The following ADAMTS12 variants were observed in gnomAD, a reference collection of about 807,000 sequenced individuals.
The protein encoded by ADAMTS12 is A disintegrin and metalloproteinase with thrombospondin motifs 12.
A neutral mutation model predicts 167.8 loss-of-function variants in ADAMTS12; 118 were observed. The ratio of observed to expected loss-of-function variants is 0.70; its 90% CI spans 0.61 to 0.82. The LOEUF is 0.82. Ranked by LOEUF, ADAMTS12 falls within the 40% of genes least tolerant of loss-of-function variation. The probability of loss-of-function intolerance (pLI) is 0.00; values close to 1 mark genes in which losing one functional copy is unlikely to be tolerated. For synonymous variants in ADAMTS12, 704 were observed against 716.9 expected, an observed-to-expected ratio of 0.98 and a Z score of 0.29; for missense variants, 1,916 against 1,998.8, an observed-to-expected ratio of 0.96 and a Z score of 0.79.
intron 3 of ADAMTS12, among the ~76,000 whole-genome samples, chr5:33,735,997 GC>G (rs1379941171): frequency 6.6e-6 from 1 of 151,182 alleles, no homozygotes; most frequent in African/African-American, 2.4e-5. Flanking sequence ...GATTCTTAGA[GC>G]TTTTAAAATG....
At position 33,881,161 on chromosome 5, in the gene ADAMTS12, G is replaced by A. The variant is rs753396466; in HGVS notation, c.447C>T (p.Gly149=). 3.3e-5 allele frequency: 54 copies of A among 1,614,040 alleles called. No individual in the cohort carries two copies. Among genetic ancestry groups the A allele is most frequent in the Non-Finnish European group, 4.4e-5 (52 of 1,180,044 alleles). Residue 149 remains glycine, a synonymous_variant, in exon 2 of 24, where the codon GGC becomes GGT. Transcript: ENST00000504830. ...CHLSGTVLQQ[G]TRVGTAALSA... ...TGAGGGCTGCCGTCCCAACTCTGGT[G>A]CCCTGCTGTAGAACCGTGCCACTGA...
chr5:33,536,118 A>G (rs933792506), intron 22 of ADAMTS12, among the ~76,000 whole-genome samples: 3 of 152,238 alleles, frequency 2.0e-5, no homozygotes, highest in Non-Finnish European at 4.4e-5. Context: ...GGTAAAATAT[A>G]TAAAGCACAA....
At chr5:33,850,053 G>A (rs1446505820) in intron 2 of ADAMTS12, among the ~76,000 whole-genome samples, 2 of 152,022 alleles carry the variant, frequency 1.3e-5, no homozygotes, top group African/African-American at 2.4e-5. Context: ...ATTATAAAAC[G>A]AAGGGGGAAA....
intron 2 of ADAMTS12, among the ~76,000 whole-genome samples, chr5:33,774,591 G>C (rs1745850667): frequency 6.6e-6 from 1 of 152,162 alleles, no homozygotes; most frequent in South Asian, 2.1e-4. Flanking sequence ...TGAGAGTCCA[G>C]AGTCTGCGAA....
intron 2 of ADAMTS12, among the ~76,000 whole-genome samples, chr5:33,826,584 GTGTATA>G (rs1231702145): frequency 2.8e-5 from 2 of 71,692 alleles, no homozygotes; most frequent in African/African-American, 4.9e-5. Context: ...GTGTGTGTGT[GTGTATA>G]TATATATATA....
chr5:33,682,932 T>G lies in ADAMTS12; in HGVS notation c.915+86A>C, dbSNP rs970423703. On this transcript the variant is annotated intron_variant, in intron 5 of 23. Transcript: ENST00000504830. ...TTCCAAACACTTTCTGGTACCCTCT[T>G]TCTTGTCTACCAAGAACTCCCCTGA... The G allele has an allele frequency of 1.2e-5, 13 of 1,102,316 alleles. No homozygotes were observed. In the African/African-American group the frequency reaches 1.9e-4, roughly 16 times the overall value. The allele number at this position is 1,102,316 out of a possible 1,614,324, so 68.3% of individuals were successfully genotyped here. A position where few individuals can be genotyped will look rare whatever the true frequency, so the allele number is the denominator to read the frequency against.
chr5:33,744,368 T>C (rs1744706312), intron 3 of ADAMTS12, among the ~76,000 whole-genome samples: 3 of 152,262 alleles, frequency 2.0e-5, no homozygotes, highest in Admixed American at 2.0e-4. Context: ...AAAGCTTCTT[T>C]AATGAATAAA....
chr5:33,693,850 TC>T (rs1742644829), intron 3 of ADAMTS12, among the ~76,000 whole-genome samples: 1 of 152,172 alleles, frequency 6.6e-6, no homozygotes, highest in Non-Finnish European at 1.5e-5. Flanking sequence ...ATAAAAGGTA[TC>T]CAAATAAGAA....
chr5:33,778,242 G>T (rs1745986449), intron 2 of ADAMTS12, among the ~76,000 whole-genome samples: 1 of 152,010 alleles, frequency 6.6e-6, no homozygotes, highest in Non-Finnish European at 1.5e-5. Context: ...GTTGAAGCTG[G>T]AAGCAAAACA....
chr5:33,589,486 A>G (rs1352782872), intron 17 of ADAMTS12, among the ~76,000 whole-genome samples: 1 of 152,210 alleles, frequency 6.6e-6, no homozygotes, highest in Admixed American at 6.5e-5. Flanking sequence ...AATGAGTAGA[A>G]AAAGAATAAA....
Position 33,850,309 on chromosome 5 carries a change from G to T in ADAMTS12, c.489+30810C>A, listed in dbSNP as rs562600993. Among the ~76,000 whole-genome samples, 7 of 152,272 alleles carry T rather than the reference G, an allele frequency of 4.6e-5. No individual in the cohort carries two copies. In the South Asian group the frequency reaches 1.0e-3, roughly 23 times the overall value. The stretch of plus-strand genomic sequence containing the variant: ...AGCAGAAAGTTTCACTAAAAGAGAG[G>T]ATTAATCAGACCTCAGGGGAAGCTG... On this transcript the variant is annotated intron_variant, in intron 2 of 23. Transcript: ENST00000504830.
intron 2 of ADAMTS12, among the ~76,000 whole-genome samples, chr5:33,755,345 C>A (rs1418850846): frequency 1.3e-5 from 2 of 152,152 alleles, no homozygotes; most frequent in Non-Finnish European, 2.9e-5. Flanking sequence ...AGACCAAAGG[C>A]TGAGATGCAT....
At position 33,769,189 on chromosome 5, in the gene ADAMTS12, C is replaced by T. The variant is rs953430235; in HGVS notation, c.490-17641G>A. On this transcript the variant is annotated intron_variant, in intron 2 of 23. Coordinates refer to ENST00000504830, the MANE Select transcript of ADAMTS12 (RefSeq NM_030955.4). Reference sequence around the variant, plus strand: ...GGAAACTAACTCCCAAGAGTGTCACCTTGGAAACTCCCAAGAGCCTGCAGA... The same window carrying T: ...GGAAACTAACTCCCAAGAGTGTCACTTTGGAAACTCCCAAGAGCCTGCAGA... Among the ~76,000 whole-genome samples, 9 of 152,188 alleles carry T rather than the reference C, an allele frequency of 5.9e-5. No homozygotes were observed. The South Asian group carries it at 1.5e-3, about 25-fold the overall frequency.
At chr5:33,638,735 C>T (rs1740306717) in intron 11 of ADAMTS12, among the ~76,000 whole-genome samples, 1 of 152,150 alleles carries the variant, frequency 6.6e-6, no homozygotes, top group African/African-American at 2.4e-5. Flanking sequence ...TCTGTGGTGC[C>T]TCACAGTACT....
At position 33,605,806 on chromosome 5, in the gene ADAMTS12, C is replaced by T. The variant is rs367896475; in HGVS notation, c.2527+8432G>A. On this transcript the variant is annotated intron_variant, in intron 16 of 23. Coordinates refer to ENST00000504830, the MANE Select transcript of ADAMTS12 (RefSeq NM_030955.4). ...CAATTACATTTTACATATATTCATT[C>T]GTTTAATTCTCATACCAACCATACA... Among the ~76,000 whole-genome samples, 3 of 152,130 alleles carry T rather than the reference C, an allele frequency of 2.0e-5. No homozygotes were observed. The East Asian group carries it at 5.8e-4, about 29-fold the overall frequency.
At chr5:33,840,546 C>T (rs1748711181) in intron 2 of ADAMTS12, among the ~76,000 whole-genome samples, 1 of 152,010 alleles carries the variant, frequency 6.6e-6, no homozygotes, top group Non-Finnish European at 1.5e-5. Flanking sequence ...ATGGTACCAC[C>T]TCATAGATTA....
chr5:33,802,462 A>C (rs115010590), intron 2 of ADAMTS12, among the ~76,000 whole-genome samples: 3,234 of 152,292 alleles, frequency 0.021, 44 homozygotes, highest in Non-Finnish European at 0.035. Context: ...ATCATCAAAG[A>C]TGCCACTGCT....
At chr5:33,614,179 A>G (rs75853185) in intron 16 of ADAMTS12, 59 bp downstream of exon 16, 21,466 of 1,581,926 alleles carry the variant, frequency 0.014, 248 homozygotes, top group African/African-American at 0.064. Flanking sequence ...TGGTGTAATC[A>G]CCTCTACAAA....
In ADAMTS12 at chr5:33,561,130, C is replaced by A. The variant is rs1197092073; in HGVS notation, c.4022G>T (p.Ser1341Ile). ...LGAYWRRVEC[S>I]TQMDSDCAAI... Reference sequence around the variant, plus strand: ...CGCACAGTCAGAATCCATCTGGGTGCTGCACTCCACCCTTCTCCAGTAGGC... The same window carrying A: ...CGCACAGTCAGAATCCATCTGGGTGATGCACTCCACCCTTCTCCAGTAGGC... The change falls in exon 20 of 24, where the codon AGC becomes ATC. Residue 1341 changes from serine (S) to isoleucine (I), a missense_variant. Ser to Ile is a moderately radical substitution (Grantham distance 142). Transcript: ENST00000504830. 1.7e-5 allele frequency: 27 copies of A among 1,614,020 alleles called. No individual in the cohort carries two copies. The East Asian group carries it at 6.0e-4, about 36-fold the overall frequency.
Sources: allele counts gnomAD v4.1 joint callset (sites outside exome capture counted in the v4.1 genomes callset), GRCh38; gene constraint gnomAD v4.1.1; transcripts MANE v1.5; gene names NCBI Gene and HGNC (gene_info 2026-07-23, HGNC 2026-07-21).